Variants in GMDS observed in about 807,000 individuals in gnomAD.
GMDS encodes GDP-mannose 4,6-dehydratase.
A neutral mutation model predicts 49.9 loss-of-function variants in GMDS; 20 were observed. The ratio of observed to expected loss-of-function variants is 0.40; its 90% CI spans 0.28 to 0.58. The LOEUF (loss-of-function observed/expected upper bound fraction) is 0.58. Among genes scored for constraint, GMDS ranks in the 20% least tolerant of loss-of-function variants. The probability of loss-of-function intolerance (pLI) is 0.42; values close to 1 mark genes in which losing one functional copy is unlikely to be tolerated. For missense variants in GMDS, 362 were observed against 481.4 expected (o/e 0.75, Z 2.32); for synonymous variants, 177 against 178.6 (o/e 0.99, Z 0.07).
intron 7 of GMDS, among the ~76,000 whole-genome samples, chr6:1,913,418 G>T (rs538467994): frequency 1.3e-5 from 2 of 149,580 alleles, no homozygotes; most frequent in South Asian, 4.3e-4. Flanking sequence ...AAGAAAGTTT[G>T]CATGTGGTAA....
At chr6:2,185,718 A>G (rs1778749344) in intron 1 of GMDS, among the ~76,000 whole-genome samples, 1 of 152,192 alleles carries the variant, frequency 6.6e-6, no homozygotes. Flanking sequence ...CCCTAGGGCC[A>G]AGATAATGTT....
chr6:2,201,316 T>A (rs1779522914), intron 1 of GMDS, among the ~76,000 whole-genome samples: 3 of 133,038 alleles, frequency 2.3e-5, no homozygotes, highest in Non-Finnish European at 1.6e-5. Flanking sequence ...GATGAAACCA[T>A]CTAGGCAGTG....
intron 9 of GMDS, among the ~76,000 whole-genome samples, chr6:1,665,991 T>C (rs978107753): frequency 1.3e-5 from 2 of 152,178 alleles, no homozygotes; most frequent in African/African-American, 4.8e-5. Context: ...TTCAGCGACT[T>C]GGAGGAGTTA....
At chr6:2,084,461 T>G (rs531491308) in intron 4 of GMDS, among the ~76,000 whole-genome samples, 1 of 152,284 alleles carries the variant, frequency 6.6e-6, no homozygotes, top group South Asian at 2.1e-4. Context: ...CAATTACCCT[T>G]CATTTCACAG....
intron 4 of GMDS, among the ~76,000 whole-genome samples, chr6:2,002,764 A>T (rs1245635958): frequency 6.6e-6 from 1 of 152,232 alleles, no homozygotes; most frequent in Non-Finnish European, 1.5e-5. Context: ...ACCCCTAGAA[A>T]TAAATTCAAC....
At chr6:2,222,228 G>A (rs6903476) in intron 1 of GMDS, among the ~76,000 whole-genome samples, 28,270 of 152,098 alleles carry the variant, frequency 0.19, 2,812 homozygotes, top group South Asian at 0.28. Flanking sequence ...GAGTTTTGGA[G>A]CTTCTCAGAG....
chr6:1,740,952 T>C (rs568902859), intron 8 of GMDS, among the ~76,000 whole-genome samples: 1 of 152,344 alleles, frequency 6.6e-6, no homozygotes, highest in South Asian at 2.1e-4. Context: ...GAATTGTCAA[T>C]ATTTTTCATA....
intron 9 of GMDS, among the ~76,000 whole-genome samples, chr6:1,667,687 C>A (rs1421232445): frequency 6.9e-6 from 1 of 144,078 alleles, no homozygotes; most frequent in African/African-American, 2.5e-5. Flanking sequence ...GGAATGGGCA[C>A]TTTTGTATTT....
chr6:1,727,034 G>T (rs1361508756), intron 8 of GMDS, among the ~76,000 whole-genome samples: 1 of 151,996 alleles, frequency 6.6e-6, no homozygotes, highest in Non-Finnish European at 1.5e-5. Flanking sequence ...TCACATACAA[G>T]TTCTCCTGCT....
At chr6:1,774,061 GA>G (rs1179678010) in intron 7 of GMDS, among the ~76,000 whole-genome samples, 2 of 152,208 alleles carry the variant, frequency 1.3e-5, no homozygotes, top group Non-Finnish European at 2.9e-5. Context: ...CTTGAAAGAA[GA>G]AAGTGATGAC....
intron 1 of GMDS, among the ~76,000 whole-genome samples, chr6:2,238,657 T>G (rs916373110): frequency 6.6e-6 from 1 of 152,192 alleles, no homozygotes; most frequent in African/African-American, 2.4e-5. Flanking sequence ...TATTATAATA[T>G]AATCATCATT....
intron 9 of GMDS, among the ~76,000 whole-genome samples, chr6:1,708,283 C>T (rs1765811752): frequency 6.6e-6 from 1 of 152,216 alleles, no homozygotes; most frequent in Admixed American, 6.5e-5. Flanking sequence ...TTTCCCGACA[C>T]TTGAGACGTC....
chr6:2,101,968 G>A (rs1483988923), intron 4 of GMDS, among the ~76,000 whole-genome samples: 2 of 152,078 alleles, frequency 1.3e-5, no homozygotes, highest in Non-Finnish European at 2.9e-5. Flanking sequence ...GTGCGCTCTA[G>A]TTTATTAATC....
At chr6:2,060,693 T>C (rs1373024390) in intron 4 of GMDS, among the ~76,000 whole-genome samples, 1 of 152,156 alleles carries the variant, frequency 6.6e-6, no homozygotes, top group African/African-American at 2.4e-5. Context: ...GCAGACTGCA[T>C]GTCAAACAAG....
intron 9 of GMDS, among the ~76,000 whole-genome samples, chr6:1,665,377 T>C (rs1425899796): frequency 3.9e-5 from 6 of 151,994 alleles, no homozygotes. Flanking sequence ...AAATATAAAA[T>C]GTATAACCAT....
chr6:1,969,088 C>T (rs1410804775), intron 4 of GMDS, among the ~76,000 whole-genome samples: 1 of 151,358 alleles, frequency 6.6e-6, no homozygotes, highest in Non-Finnish European at 1.5e-5. Context: ...GGTGAAACCC[C>T]ATCTCTACTA....
In GMDS at chr6:1,960,715, AC is replaced by A. The variant is rs146047174; in HGVS notation, c.538+58del. 1.8e-4 allele frequency: 202 copies of A among 1,115,880 alleles called. 1 individual carries two copies. The African/African-American group carries it at 2.9e-3, about 16-fold the overall frequency. 69.1% of individuals were successfully genotyped at this position (1,115,880 alleles called of 1,614,324 possible). ...GAACAGAATGAAAGGAAAAACACAC[AC>A]CCCCCACACCCACAGATAACGCCAC... On this transcript the variant is annotated intron_variant, in intron 5 of 10. Coordinates refer to ENST00000380815, the MANE Select transcript of GMDS (RefSeq NM_001500.4).
At chr6:2,044,261 G>A (rs575853582) in intron 4 of GMDS, among the ~76,000 whole-genome samples, 17 of 152,114 alleles carry the variant, frequency 1.1e-4, no homozygotes, top group Admixed American at 7.9e-4. Context: ...ACACATGCAC[G>A]CATATGTTCA....
chr6:2,009,872 G>A (rs1767441051), intron 4 of GMDS, among the ~76,000 whole-genome samples: 1 of 152,130 alleles, frequency 6.6e-6, no homozygotes, highest in Admixed American at 6.6e-5. Flanking sequence ...TTTGAACATA[G>A]CCTCAATGAC....
Sources: allele counts gnomAD v4.1 joint callset (sites outside exome capture counted in the v4.1 genomes callset), GRCh38; gene constraint gnomAD v4.1.1; transcripts MANE v1.5; gene names NCBI Gene and HGNC (gene_info 2026-07-23, HGNC 2026-07-21).